Variants in ZNF469 observed in about 807,000 individuals in gnomAD.
ZNF469 encodes the protein zinc finger protein 469.
A neutral mutation model predicts 1.0 loss-of-function variants in ZNF469; 1 was observed. That is an observed-to-expected ratio of 1.00 (90% CI 0.35 to 4.73). The LOEUF (loss-of-function observed/expected upper bound fraction) is 4.73, where lower values mean the gene tolerates loss of function less well. Among genes scored for constraint, ZNF469 ranks in the 30% most tolerant of loss-of-function variants. The probability of loss-of-function intolerance (pLI) is 0.16; values close to 1 mark genes in which losing one functional copy is unlikely to be tolerated. For missense variants in ZNF469, 6,100 were observed against 5,356.3 expected (o/e 1.14, Z -4.33); for synonymous variants, 2,703 against 2,363.4 (o/e 1.14, Z -4.17).
the ZNF469 span, among the ~76,000 whole-genome samples, chr16:88,290,270 C>T: frequency 2.0e-5 from 3 of 152,224 alleles, no homozygotes; most frequent in Admixed American, 1.3e-4. Context: ...GCAAAATTTC[C>T]GGTGCCCTTG....
At chr16:88,316,545 C>CTTTTTTT in the ZNF469 span, among the ~76,000 whole-genome samples, 39,229 of 99,642 alleles carry the variant, frequency 0.39, 9,191 homozygotes, top group East Asian at 0.71. Context: ...TAGGTGCTGT[C>CTTTTTTT]TTTTTTTTTT....
At chr16:88,361,566 A>G in the ZNF469 span, among the ~76,000 whole-genome samples, 1 of 151,432 alleles carries the variant, frequency 6.6e-6, no homozygotes. Context: ...CACTTAAGGC[A>G]TTTTCTGTTC....
Position 88,433,554 on chromosome 16 carries a change from C to T in ZNF469, c.6084C>T (p.Gly2028=). 6.5e-7 allele frequency: 1 copy of T among 1,550,282 alleles called. No individual in the cohort carries two copies. Among genetic ancestry groups the T allele is most frequent in the Non-Finnish European group, 8.7e-7 (1 of 1,146,932 alleles). Residue 2028 remains glycine, a synonymous_variant, in exon 3 of 3, where the codon GGC becomes GGT. Transcript: ENST00000565624. ...VNASPKTALT[G]PTEGAVLLEK... is the part of the protein sequence containing the mutation. ...CCAGTCCCAAAACAGCGCTGACCGGCCCCACCGAGGGTGCAGTCCTGCTAG... is the reference window on the plus strand; with the variant it reads ...CCAGTCCCAAAACAGCGCTGACCGGTCCCACCGAGGGTGCAGTCCTGCTAG...
At chr16:88,347,575 G>A in the ZNF469 span, among the ~76,000 whole-genome samples, 28 of 152,084 alleles carry the variant, frequency 1.8e-4, no homozygotes, top group African/African-American at 6.5e-4. Context: ...ATAAACTCCC[G>A]TTTTAACCAC....
the ZNF469 span, chr16:88,192,136 C>T: frequency 6.6e-6 from 1 of 152,168 alleles, no homozygotes; most frequent in Non-Finnish European, 1.5e-5. Context: ...CCAAGTCAGC[C>T]ATACCTTGAT....
In ZNF469 at chr16:88,439,044, C is replaced by G; in HGVS notation, c.11574C>G (p.Leu3858=). ...AGCAGGCAACTCCCAGCCGCGTGCT[C>G]CCGACCAAGCCCAAGCCCAACAGCC... ...PRKQATPSRV[L]PTKPKPNSQN... is the part of the protein sequence containing the mutation. The change falls in exon 3 of 3, where the codon CTC becomes CTG. Residue 3858 remains leucine, a synonymous_variant. Transcript: ENST00000565624. 2.6e-6 allele frequency: 4 copies of G among 1,550,518 alleles called. No individual in the cohort carries two copies. The highest frequency in any genetic ancestry group is 3.5e-6 in the Non-Finnish European group (4 of 1,146,970).
chr16:88,191,342 G>A, the ZNF469 span: 1 of 152,278 alleles, frequency 6.6e-6, no homozygotes, highest in African/African-American at 2.4e-5. Flanking sequence ...GTACAGAGCA[G>A]ACAGCACCCT....
the ZNF469 span, among the ~76,000 whole-genome samples, chr16:88,138,967 C>T: frequency 6.6e-6 from 1 of 152,244 alleles, no homozygotes; most frequent in Admixed American, 6.5e-5. Flanking sequence ...TGGTGAAACG[C>T]TAGGCTGTGC....
chr16:88,438,860 G>T lies in ZNF469; in HGVS notation c.11390G>T (p.Gly3797Val). The T allele has an allele frequency of 1.3e-6, 2 of 1,550,436 alleles. No homozygotes were observed. The highest frequency in any genetic ancestry group is 1.7e-6 in the Non-Finnish European group (2 of 1,146,980). ...TGCACCAAGGGGCCAAGGGAAGCTG[G>T]TGAGCAGGGGCCCCACGGGAGCCTA... ...KSCTKGPREAGEQGPHGSLGP... is the reference protein window; with the variant it reads ...KSCTKGPREAVEQGPHGSLGP... The change falls in exon 3 of 3, where the codon GGT becomes GTT. Residue 3797 changes from glycine to valine, a missense_variant. Physicochemically the swap from Gly to Val is moderately radical, Grantham distance 109. Transcript: ENST00000565624.
chr16:88,140,789 C>T, the ZNF469 span, among the ~76,000 whole-genome samples: 2 of 152,082 alleles, frequency 1.3e-5, no homozygotes, highest in African/African-American at 2.4e-5. Context: ...AAAAGTTAGC[C>T]GGGCGTGGTG....
the ZNF469 span, among the ~76,000 whole-genome samples, chr16:88,132,100 C>A: frequency 6.6e-6 from 1 of 152,238 alleles, no homozygotes; most frequent in Admixed American, 6.5e-5. Flanking sequence ...CCACTCTCCT[C>A]TCCATGTGTG....
At chr16:88,276,930 G>C in the ZNF469 span, among the ~76,000 whole-genome samples, 1 of 150,620 alleles carries the variant, frequency 6.6e-6, no homozygotes. Flanking sequence ...TGCTCAGTCA[G>C]TACCATGTAG....
the ZNF469 span, among the ~76,000 whole-genome samples, chr16:88,134,564 A>G: frequency 6.6e-6 from 1 of 152,226 alleles, no homozygotes; most frequent in African/African-American, 2.4e-5. Context: ...AAGTTCCTGG[A>G]GGTGGAATTA....
the ZNF469 span, among the ~76,000 whole-genome samples, chr16:88,184,143 C>T: frequency 6.6e-6 from 1 of 152,008 alleles, no homozygotes; most frequent in African/African-American, 2.4e-5. Flanking sequence ...ACAGACGAGA[C>T]GACCCTCACA....
the ZNF469 span, among the ~76,000 whole-genome samples, chr16:88,206,293 G>T: frequency 6.6e-6 from 1 of 152,196 alleles, no homozygotes; most frequent in Non-Finnish European, 1.5e-5. Flanking sequence ...CTTGGCCTGG[G>T]CTCAGGGCCC....
At chr16:88,352,899 C>T in the ZNF469 span, among the ~76,000 whole-genome samples, 1 of 152,210 alleles carries the variant, frequency 6.6e-6, no homozygotes, top group African/African-American at 2.4e-5. Context: ...ACGGCTCCTC[C>T]TGGGTCCCCT....
chr16:88,267,038 G>A, the ZNF469 span, among the ~76,000 whole-genome samples: 1 of 150,762 alleles, frequency 6.6e-6, no homozygotes, highest in Non-Finnish European at 1.5e-5. Context: ...CAGGCGCTCC[G>A]GGTGCCCGGC....
At chr16:88,103,778 C>T in the ZNF469 span, among the ~76,000 whole-genome samples, 1 of 150,102 alleles carries the variant, frequency 6.7e-6, no homozygotes, top group Non-Finnish European at 1.5e-5. Context: ...TGGAATAATC[C>T]TCCGTGGCAT....
chr16:88,431,085 C>T lies in ZNF469; in HGVS notation c.3615C>T (p.Val1205=). Residue 1205 remains valine, a synonymous_variant, in exon 3 of 3, where the codon GTC becomes GTT. Coordinates refer to ENST00000565624, the MANE Select transcript of ZNF469 (RefSeq NM_001367624.2). The part of the protein sequence containing the change: ...PSVAPKDPLQ[V]PTNTETSEET... ...TGGCCCCCAAGGATCCCCTGCAGGTCCCCACCAACACCGAGACCTCAGAGG... is the reference window on the plus strand; with the variant it reads ...TGGCCCCCAAGGATCCCCTGCAGGTTCCCACCAACACCGAGACCTCAGAGG... 6.5e-7 allele frequency: 1 copy of T among 1,550,054 alleles called. No homozygotes were observed. Among genetic ancestry groups the T allele is most frequent in the Non-Finnish European group, 8.7e-7 (1 of 1,146,926 alleles).
Sources: gnomAD v4.1 joint callset for allele counts (sites outside exome capture counted in the v4.1 genomes callset) on GRCh38, gnomAD v4.1.1 for gene constraint, MANE v1.5 for transcripts, NCBI Gene and HGNC (gene_info 2026-07-23, HGNC 2026-07-21) for gene names.